Variants in ANKRD36 observed in about 807,000 individuals in gnomAD.
ANKRD36 encodes the protein ankyrin repeat domain 36.
In ANKRD36, 179 loss-of-function variants were observed where a neutral mutation model predicts 278.1. The ratio of observed to expected loss-of-function variants is 0.64; its 90% CI spans 0.57 to 0.73. The LOEUF is 0.73. Among genes scored for constraint, ANKRD36 ranks in the 30% least tolerant of loss-of-function variants. The probability of loss-of-function intolerance (pLI) is 0.00; values close to 1 mark genes in which losing one functional copy is unlikely to be tolerated. For missense variants in ANKRD36, 1,159 were observed against 1,956.7 expected (o/e 0.59, Z 7.69); for synonymous variants, 320 against 641.1 (o/e 0.50, Z 7.57).
At chr2:97,210,189 T>A (rs1197206096) in intron 56 of ANKRD36, among the ~76,000 whole-genome samples, 1 of 151,746 alleles carries the variant, frequency 6.6e-6, no homozygotes, top group Non-Finnish European at 1.5e-5. Flanking sequence ...GGTGGAAGGA[T>A]AAAGAGAGGA....
At chr2:97,190,877 A>T in intron 34 of ANKRD36, 101 bp from the exon 35 acceptor site, 1 of 1,508,602 alleles carries the variant, frequency 6.6e-7, no homozygotes, top group Non-Finnish European at 9.0e-7. Flanking sequence ...CTACACTAGT[A>T]CAGGCAGAAG....
intron 1 of ANKRD36, among the ~76,000 whole-genome samples, chr2:97,115,380 A>G (rs1465986031): frequency 6.6e-6 from 1 of 152,164 alleles, no homozygotes; most frequent in Non-Finnish European, 1.5e-5. Flanking sequence ...AAATATCACA[A>G]GCACACATTC....
intron 67 of ANKRD36, among the ~76,000 whole-genome samples, chr2:97,226,718 G>A (rs1171956277): frequency 1.3e-5 from 2 of 151,708 alleles, no homozygotes; most frequent in African/African-American, 4.8e-5. Flanking sequence ...TGTCCTGAAT[G>A]GTAATGCCTA....
At chr2:97,263,064 G>C (rs1227695447) in intron 75 of ANKRD36, among the ~76,000 whole-genome samples, 2 of 133,234 alleles carry the variant, frequency 1.5e-5, no homozygotes, top group Non-Finnish European at 3.1e-5. Flanking sequence ...GTGGGGTTTT[G>C]CTATAAAAAT....
chr2:97,203,342 TTGTA>T (rs1221964936), intron 48 of ANKRD36, among the ~76,000 whole-genome samples: 4 of 151,838 alleles, frequency 2.6e-5, no homozygotes, highest in African/African-American at 7.2e-5. Context: ...CAGTTTCACT[TTGTA>T]TGTGTATGTC....
intron 72 of ANKRD36, chr2:97,248,358 T>C (rs1480686572): frequency 3.5e-5 from 4 of 113,956 alleles, no homozygotes; most frequent in African/African-American, 6.0e-5. Context: ...AGTGGGCATT[T>C]AGACAACAGG....
chr2:97,158,130 G>A lies in ANKRD36; in HGVS notation c.1284G>A (p.Thr428=), dbSNP rs75796483. 39 of 1,514,134 alleles carry A rather than the reference G, an allele frequency of 2.6e-5. No individual in the cohort carries two copies. Among genetic ancestry groups the A allele is most frequent in the Middle Eastern group, 1.7e-4 (1 of 5,934 alleles). The allele number at this position is 1,514,134 out of a possible 1,614,324, so 93.8% of individuals were successfully genotyped here. Residue 428 remains threonine, a synonymous_variant, in exon 16 of 76, where the codon ACG becomes ACA. Coordinates refer to ENST00000420699, the MANE Select transcript of ANKRD36 (RefSeq NM_001354587.1). ...ESENISEPYF[T]NRRTISQQSA... ...AGAATATTTCAGAACCATACTTTAC[G>A]AACAGAAGGACTATTTCTCAACAAT...
At chr2:97,138,269 G>A (rs1392817518) in intron 6 of ANKRD36, among the ~76,000 whole-genome samples, 1 of 152,054 alleles carries the variant, frequency 6.6e-6, no homozygotes, top group Admixed American at 6.6e-5. Context: ...AAGTCAATGT[G>A]CAAAATTCAC....
At chr2:97,194,483 T>C (rs1350803304) in intron 38 of ANKRD36, among the ~76,000 whole-genome samples, 3 of 151,600 alleles carry the variant, frequency 2.0e-5, no homozygotes, top group African/African-American at 7.3e-5. Flanking sequence ...GGTTTTATTT[T>C]AGCTTTCGAC....
intron 52 of ANKRD36, 151 bp from the exon 53 acceptor site, chr2:97,207,660 C>T (rs1262913542): frequency 7.7e-6 from 10 of 1,290,952 alleles, no homozygotes; most frequent in Non-Finnish European, 1.1e-5. Flanking sequence ...GTATTTCTGT[C>T]ATGTTCTAGT....
chr2:97,242,974 A>T (rs1455258621), intron 69 of ANKRD36, among the ~76,000 whole-genome samples: 1 of 123,518 alleles, frequency 8.1e-6, no homozygotes, highest in African/African-American at 2.6e-5. Context: ...TAAAAACATG[A>T]GAACTAGAAA....
intron 42 of ANKRD36, among the ~76,000 whole-genome samples, 186 bp downstream of exon 42, chr2:97,196,974 A>G (rs2059941224): frequency 6.6e-6 from 1 of 151,926 alleles, no homozygotes; most frequent in Non-Finnish European, 1.5e-5. Flanking sequence ...TCTTCGCCGT[A>G]AGATTATACA....
chr2:97,178,975 A>C (rs1424390132), intron 22 of ANKRD36, among the ~76,000 whole-genome samples: 2 of 151,552 alleles, frequency 1.3e-5, no homozygotes, highest in African/African-American at 4.8e-5. Flanking sequence ...CAGATGTAAA[A>C]GCTTATTCAT....
At chr2:97,218,980 A>G in intron 64 of ANKRD36, 70 bp from the exon 65 acceptor site, 2 of 1,534,212 alleles carry the variant, frequency 1.3e-6, no homozygotes, top group South Asian at 2.4e-5. Context: ...TGATGCTAAC[A>G]CTCCACGAAT....
intron 42 of ANKRD36, 105 bp from the exon 43 acceptor site, chr2:97,198,358 C>G (rs2060387538): frequency 5.2e-6 from 8 of 1,540,612 alleles, no homozygotes; most frequent in South Asian, 3.6e-5. Context: ...AAAGCGTACA[C>G]TAATACAGGC....
chr2:97,211,023 C>T (rs1325354042), intron 56 of ANKRD36, among the ~76,000 whole-genome samples: 3 of 151,856 alleles, frequency 2.0e-5, no homozygotes, highest in African/African-American at 7.2e-5. Context: ...CCAAGGTGAT[C>T]AATTTAGGAC....
rs2055640930 is a variant in ANKRD36 at position 97,179,945 on chromosome 2, A to G, written c.1735+12A>G. ...AATATCTGGGACAGGTAATTTTGCA[A>G]AACACATCTAATGTCATGTTCAATC... On this transcript the variant is annotated intron_variant, in intron 24 of 75. Transcript: ENST00000420699. The G allele has an allele frequency of 6.2e-7, 1 of 1,604,156 alleles. No individual in the cohort carries two copies. Among genetic ancestry groups the G allele is most frequent in the African/African-American group, 1.3e-5 (1 of 74,694 alleles).
At chr2:97,144,592 A>G in intron 9 of ANKRD36, 46 bp downstream of exon 9, 1 of 1,567,570 alleles carries the variant, frequency 6.4e-7, no homozygotes, top group Non-Finnish European at 8.6e-7. Flanking sequence ...TGTATAGTCT[A>G]TGGAATATAC....
At chr2:97,133,940 G>A (rs1020627793) in intron 6 of ANKRD36, among the ~76,000 whole-genome samples, 1 of 151,188 alleles carries the variant, frequency 6.6e-6, no homozygotes, top group Non-Finnish European at 1.5e-5. Context: ...ATCACCCAAA[G>A]TCCATAGTTT....
Sources: gnomAD v4.1 joint callset for allele counts (sites outside exome capture counted in the v4.1 genomes callset) on GRCh38, gnomAD v4.1.1 for gene constraint, MANE v1.5 for transcripts, NCBI Gene and HGNC (gene_info 2026-07-23, HGNC 2026-07-21) for gene names.